NR3C2: variants seen among roughly 807,000 people sequenced by gnomAD.
NR3C2 encodes mineralocorticoid receptor.
Under a neutral mutation model 86.4 loss-of-function variants are expected in NR3C2, and 15 were observed. That is an observed-to-expected ratio of 0.17 (90% CI 0.12 to 0.27). The LOEUF is 0.27. Ranked by LOEUF, NR3C2 falls within the 10% of genes least tolerant of loss-of-function variation. The pLI, the probability that NR3C2 is intolerant of heterozygous loss-of-function variation, is 1.00. For missense variants in NR3C2, 960 were observed against 1,195.6 expected, an observed-to-expected ratio of 0.80 and a Z score of 2.91; for synonymous variants, 458 against 450.5, an observed-to-expected ratio of 1.02 and a Z score of -0.21.
At chr4:148,162,423 A>G (rs1294835924) in intron 4 of NR3C2, among the ~76,000 whole-genome samples, 4 of 151,952 alleles carry the variant, frequency 2.6e-5, no homozygotes, top group Admixed American at 1.3e-4. Flanking sequence ...TTTAATGCCA[A>G]TCAAACTCAG....
intron 6 of NR3C2, among the ~76,000 whole-genome samples, chr4:148,135,089 G>A (rs775363767): frequency 2.6e-5 from 4 of 152,168 alleles, no homozygotes; most frequent in Non-Finnish European, 5.9e-5. Context: ...TGAGAGGGAA[G>A]GAAAGGGGGC....
chr4:148,227,212 C>T (rs1738220407), intron 3 of NR3C2, among the ~76,000 whole-genome samples: 2 of 152,140 alleles, frequency 1.3e-5, no homozygotes, highest in South Asian at 4.2e-4. Context: ...ATGACCTTGA[C>T]ACTTTTGAAA....
intron 6 of NR3C2, among the ~76,000 whole-genome samples, chr4:148,124,049 G>A (rs1392999711): frequency 6.6e-6 from 1 of 152,190 alleles, no homozygotes; most frequent in African/African-American, 2.4e-5. Context: ...GACCAGCCTG[G>A]CCAACATGGT....
chr4:148,159,966 C>T (rs560295815), intron 4 of NR3C2, among the ~76,000 whole-genome samples: 7 of 152,276 alleles, frequency 4.6e-5, no homozygotes, highest in Middle Eastern at 3.4e-3. Flanking sequence ...TTCTCCATTG[C>T]CAGCAACAGT....
Position 148,435,462 on chromosome 4 carries a change from AAT to A in NR3C2, c.1397_1398del (p.Tyr466LeufsTer15). Reference protein sequence around the residue: ...SYFSFMDDKDYYSLSGILGPP... With the variant: ...SYFSFMDDKDXYSLSGILGPP... ...GGTCCTAAAATTCCTGATAGGGAAT[AAT>A]AGTCTTTATCATCCATAAAGGAAAA... is the stretch of plus-strand genomic sequence containing the variant. On this transcript the variant is annotated frameshift_variant, in exon 2 of 9. Coordinates refer to ENST00000358102, the MANE Select transcript of NR3C2 (RefSeq NM_000901.5). The A allele has an allele frequency of 6.2e-7, 1 of 1,614,228 alleles. No homozygotes were observed. The highest frequency in any genetic ancestry group is 8.5e-7 in the Non-Finnish European group (1 of 1,180,028).
intron 3 of NR3C2, among the ~76,000 whole-genome samples, chr4:148,255,609 C>T (rs60760185): frequency 0.19 from 28,879 of 152,122 alleles, 2,912 homozygotes; most frequent in Admixed American, 0.22. Context: ...ATAATGAGCT[C>T]TCTTTCTCTT....
chr4:148,107,664 C>A (rs1012553599), intron 8 of NR3C2, among the ~76,000 whole-genome samples: 1 of 152,150 alleles, frequency 6.6e-6, no homozygotes, highest in South Asian at 2.1e-4. Flanking sequence ...TACTACACAG[C>A]TATAAAAAAG....
At chr4:148,334,213 A>C (rs17024611) in intron 2 of NR3C2, among the ~76,000 whole-genome samples, 144 of 152,298 alleles carry the variant, frequency 9.5e-4, no homozygotes, top group African/African-American at 3.4e-3. Flanking sequence ...AAGCACACAA[A>C]AAAATTTGCT....
intron 2 of NR3C2, among the ~76,000 whole-genome samples, chr4:148,272,013 A>G (rs943997341): frequency 6.6e-6 from 1 of 152,196 alleles, no homozygotes; most frequent in Admixed American, 6.5e-5. Flanking sequence ...GTATTGAAAC[A>G]GTTATCTTCT....
intron 2 of NR3C2, among the ~76,000 whole-genome samples, chr4:148,397,110 C>T (rs1195160440): frequency 6.6e-6 from 1 of 152,218 alleles, no homozygotes; most frequent in Non-Finnish European, 1.5e-5. Flanking sequence ...ACAACAGCTG[C>T]TTTCACTCAA....
rs560268193 is a variant in NR3C2 at position 148,318,574 on chromosome 4, G to A, written c.1758-58457C>T. 9.1e-4 allele frequency among the ~76,000 whole-genome samples: 139 copies of A among 152,080 alleles called. 2 individuals are homozygous for A. The South Asian group carries it at 9.8e-3, about 11-fold the overall frequency. On this transcript the variant is annotated intron_variant, in intron 2 of 8. Coordinates refer to ENST00000358102, the MANE Select transcript of NR3C2 (RefSeq NM_000901.5). The stretch of plus-strand genomic sequence containing the variant: ...CTTTTTAATGATGGCCATTCTAACT[G>A]GTGTGAGATGATATCTCATTGTGGT...
rs138847808 is a variant in NR3C2, at chr4:148,167,001, G to A, written c.2015-12100C>T. On this transcript the variant is annotated intron_variant, in intron 4 of 8. Coordinates refer to ENST00000358102, the MANE Select transcript of NR3C2 (RefSeq NM_000901.5). ...ACAGAAATTAAACAAAACAGTTTTC[G>A]TTTCTTCTCTCAAATTGTTTGCCAC... Among the ~76,000 whole-genome samples, 17 of 152,200 alleles carry A rather than the reference G, an allele frequency of 1.1e-4. No individual in the cohort carries two copies. The East Asian group carries it at 1.5e-3, about 14-fold the overall frequency.
chr4:148,245,365 G>A (rs1739269484), intron 3 of NR3C2, among the ~76,000 whole-genome samples: 1 of 152,138 alleles, frequency 6.6e-6, no homozygotes, highest in African/African-American at 2.4e-5. Context: ...AGTGTCACAT[G>A]ATGAAATAAA....
chr4:148,230,038 G>T (rs1334676781), intron 3 of NR3C2, among the ~76,000 whole-genome samples: 13 of 152,146 alleles, frequency 8.5e-5, no homozygotes, highest in Admixed American at 8.5e-4. Context: ...CTTCTGTGGG[G>T]GTGGGAAAGC....
intron 2 of NR3C2, among the ~76,000 whole-genome samples, chr4:148,265,725 A>C (rs1740351763): frequency 6.6e-6 from 1 of 152,176 alleles, no homozygotes; most frequent in Non-Finnish European, 1.5e-5. Context: ...ACATTCATTC[A>C]CCTATCTTAG....
intron 2 of NR3C2, among the ~76,000 whole-genome samples, chr4:148,294,814 A>AAAAAAAAAT (rs1220065942): frequency 1.3e-5 from 2 of 150,712 alleles, no homozygotes; most frequent in African/African-American, 2.4e-5. Context: ...CTGTCTCTAC[A>AAAAAAAAAT]AAAAAAAATA....
At chr4:148,096,257 G>A (rs1731271621) in intron 8 of NR3C2, among the ~76,000 whole-genome samples, 1 of 152,120 alleles carries the variant, frequency 6.6e-6, no homozygotes, top group South Asian at 2.1e-4. Context: ...ATGAAAGGGT[G>A]GTGTTTGAAA....
intron 2 of NR3C2, among the ~76,000 whole-genome samples, chr4:148,353,916 CT>C (rs1257725822): frequency 6.6e-6 from 1 of 152,106 alleles, no homozygotes; most frequent in African/African-American, 2.4e-5. Flanking sequence ...TACTTAAAGG[CT>C]CTTTAATTTA....
At chr4:148,429,312 T>C (rs1440148978) in intron 2 of NR3C2, among the ~76,000 whole-genome samples, 1 of 152,240 alleles carries the variant, frequency 6.6e-6, no homozygotes, top group Non-Finnish European at 1.5e-5. Context: ...GAATATTCGT[T>C]ACATACCAAT....
Sources: gnomAD v4.1 joint callset for allele counts (sites outside exome capture counted in the v4.1 genomes callset) on GRCh38, gnomAD v4.1.1 for gene constraint, MANE v1.5 for transcripts, NCBI Gene and HGNC (gene_info 2026-07-23, HGNC 2026-07-21) for gene names.